The following EYS variants were observed in gnomAD, a reference collection of about 807,000 sequenced individuals.
The protein encoded by EYS is EGF-like photoreceptor maintenance factor.
Under a neutral mutation model 282.1 loss-of-function variants are expected in EYS, and 250 were observed. The observed-to-expected ratio is 0.89, with a 90% CI of 0.80 to 0.98. The LOEUF (loss-of-function observed/expected upper bound fraction) is 0.98. Ranked by LOEUF, EYS falls within the 50% of genes least tolerant of loss-of-function variation. The pLI is 0.00. For synonymous variants in EYS, 1,355 were observed against 1,282.9 expected (o/e 1.06, Z -1.20); for missense variants, 4,016 against 3,709.0 (o/e 1.08, Z -2.15).
In EYS at chr6:64,501,912, G is replaced by C. The variant is rs2150512510; in HGVS notation, c.5645-62560C>G. 2.6e-5 allele frequency among the ~76,000 whole-genome samples: 4 copies of C among 152,188 alleles called. No homozygotes were observed. In the Middle Eastern group the frequency reaches 0.014, roughly 518 times the overall value. On this transcript the variant is annotated intron_variant, in intron 26 of 42. Coordinates refer to ENST00000503581, the MANE Select transcript of EYS (RefSeq NM_001142800.2). ...GAGGACATTAGCACCAGACTGTCAG[G>C]GTGCCAGAGTGGCTCCTGCATGTAC...
In EYS at chr6:65,058,240, TC is replaced by T. The variant is rs528434807; in HGVS notation, c.2024-514del. Among the ~76,000 whole-genome samples, 19 of 152,130 alleles carry T rather than the reference TC, an allele frequency of 1.2e-4. No individual in the cohort carries two copies. In the East Asian group the frequency reaches 3.7e-3, roughly 30 times the overall value. ...ATCTTGGATCACTGCAACCTCTGCC[TC>T]CCGGGTTCAAGAAATTATCCAGTCT... On this transcript the variant is annotated intron_variant, in intron 12 of 42. Transcript: ENST00000503581.
intron 11 of EYS, among the ~76,000 whole-genome samples, chr6:65,297,856 T>C (rs1768709677): frequency 6.6e-6 from 1 of 152,118 alleles, no homozygotes; most frequent in Non-Finnish European, 1.5e-5. Flanking sequence ...AAAAAATTGT[T>C]GGCCTGTGCT....
Position 65,068,245 on chromosome 6 carries a change from C to T in EYS, c.2024-10518G>A, listed in dbSNP as rs549303353. Among the ~76,000 whole-genome samples, 15 of 152,194 alleles carry T rather than the reference C, an allele frequency of 9.9e-5. No individual in the cohort carries two copies. In the East Asian group the frequency reaches 1.7e-3, roughly 18 times the overall value. ...ATTTTCTCAACATTCTACTTTCCAA[C>T]GGAGTCGAATGTTAAGGAAATCCAT... On this transcript the variant is annotated intron_variant, in intron 12 of 42. Coordinates refer to ENST00000503581, the MANE Select transcript of EYS (RefSeq NM_001142800.2).
chr6:65,187,744 G>A (rs1247922116), intron 12 of EYS, among the ~76,000 whole-genome samples: 1 of 151,690 alleles, frequency 6.6e-6, no homozygotes, highest in Non-Finnish European at 1.5e-5. Flanking sequence ...TGTCTATTGA[G>A]AAAGCGTTTC....
rs893169053 is a variant in EYS, at chr6:64,146,149, G to A, written c.6425-64147C>T. Among the ~76,000 whole-genome samples, 6 of 151,952 alleles carry A rather than the reference G, an allele frequency of 3.9e-5. No individual in the cohort carries two copies. The South Asian group carries it at 1.2e-3, about 32-fold the overall frequency. On this transcript the variant is annotated intron_variant, in intron 31 of 42. Transcript: ENST00000503581. The stretch of plus-strand genomic sequence containing the variant: ...GAAATACATTTTAGTTTGGATTCAT[G>A]GGTTATATTTATGAGATTCACAGTC...
At chr6:64,576,916 AT>A (rs1388729911) in intron 26 of EYS, among the ~76,000 whole-genome samples, 3 of 152,128 alleles carry the variant, frequency 2.0e-5, no homozygotes, top group Non-Finnish European at 4.4e-5. Context: ...AAATAGAGTT[AT>A]TAGAGATGTA....
intron 41 of EYS, among the ~76,000 whole-genome samples, chr6:63,761,248 A>T (rs1769634873): frequency 6.6e-6 from 1 of 152,000 alleles, no homozygotes; most frequent in Non-Finnish European, 1.5e-5. Context: ...TCCAGGAAAG[A>T]GTGTGGCATA....
chr6:64,534,791 A>C (rs1582864458), intron 26 of EYS, among the ~76,000 whole-genome samples: 1 of 148,360 alleles, frequency 6.7e-6, no homozygotes. Flanking sequence ...GGAATTTAAC[A>C]CCATCTTTTT....
Position 64,307,084 on chromosome 6 carries a change from TGAGAGAGAGA to T in EYS, c.6079-12_6079-3del, listed in dbSNP as rs35395170. On this transcript the variant is annotated splice_region_variant and splice_polypyrimidine_tract_variant and intron_variant, in intron 29 of 42. Transcript: ENST00000503581. ...AAAATTCTTGACTGGTACAGGCATC[TGAGAGAGAGA>T]GAGAGAGAGAGAAGTAGAGATAATT... The T allele has an allele frequency of 1.7e-5, 15 of 881,154 alleles. No homozygotes were observed. The highest frequency in any genetic ancestry group is 2.7e-5 in the Non-Finnish European group (15 of 558,296). 54.6% of individuals were successfully genotyped at this position (881,154 alleles called of 1,614,324 possible). A position where few individuals can be genotyped will look rare whatever the true frequency, so the allele number is the denominator to read the frequency against.
At chr6:64,144,800 C>T (rs1341159745) in intron 31 of EYS, among the ~76,000 whole-genome samples, 2 of 152,038 alleles carry the variant, frequency 1.3e-5, no homozygotes, top group Non-Finnish European at 2.9e-5. Context: ...GTGAGTAGGT[C>T]GCGCAGAACA....
At chr6:65,599,827 A>T (rs902671318) in intron 2 of EYS, among the ~76,000 whole-genome samples, 4 of 152,006 alleles carry the variant, frequency 2.6e-5, no homozygotes, top group African/African-American at 9.7e-5. Context: ...AACTTATTTT[A>T]TAAGGTTTCA....
chr6:63,745,971 A>G (rs755973116), intron 41 of EYS, among the ~76,000 whole-genome samples: 6 of 152,198 alleles, frequency 3.9e-5, no homozygotes, highest in Non-Finnish European at 8.8e-5. Context: ...TCTACAAGCC[A>G]GGAAGAGAGC....
chr6:65,542,375 C>T (rs1452524643), intron 2 of EYS, among the ~76,000 whole-genome samples: 4 of 151,898 alleles, frequency 2.6e-5, no homozygotes, highest in African/African-American at 9.7e-5. Flanking sequence ...GTATAACCAC[C>T]AGTCTATCGA....
At chr6:64,247,490 G>C (rs922800459) in intron 30 of EYS, among the ~76,000 whole-genome samples, 1 of 152,020 alleles carries the variant, frequency 6.6e-6, no homozygotes. Context: ...CAAGTAAATC[G>C]ATCTAGGATT....
chr6:65,538,277 T>C (rs1377715044), intron 2 of EYS, among the ~76,000 whole-genome samples: 1 of 152,008 alleles, frequency 6.6e-6, no homozygotes, highest in Non-Finnish European at 1.5e-5. Context: ...TAAAGAATAA[T>C]AATAAGGAAA....
chr6:65,471,282 A>G (rs1173083098), intron 5 of EYS, among the ~76,000 whole-genome samples: 2 of 150,976 alleles, frequency 1.3e-5, no homozygotes, highest in African/African-American at 4.9e-5. Flanking sequence ...CTGTGGTCCC[A>G]GCTACTCAAT....
intron 2 of EYS, among the ~76,000 whole-genome samples, chr6:65,617,373 C>T (rs571416407): frequency 4.7e-4 from 71 of 152,048 alleles, no homozygotes; most frequent in African/African-American, 1.7e-3. Context: ...TCACTTGTTA[C>T]GACTTCAAAA....
Position 64,675,428 on chromosome 6 carries a change from C to CTTTTTTTTTTTTT in EYS, c.3444-49196_3444-49184dup, listed in dbSNP as rs56346431. Among the ~76,000 whole-genome samples, 149 of 114,622 alleles carry CTTTTTTTTTTTTT rather than the reference C, an allele frequency of 1.3e-3. 1 individual carries two copies. Among genetic ancestry groups the CTTTTTTTTTTTTT allele is most frequent in the African/African-American group, 1.6e-3 (47 of 29,384 alleles). The allele number at this position is 114,622 out of a possible 152,430, so 75.2% of individuals were successfully genotyped here. On this transcript the variant is annotated intron_variant, in intron 22 of 42. Transcript: ENST00000503581. Reference sequence around the variant, plus strand: ...GTTTTTCCTGTTTCTCTTTTTTTTTCTTTTTTTTTTTTTTTTTGAGATGGA... The same window carrying CTTTTTTTTTTTTT: ...GTTTTTCCTGTTTCTCTTTTTTTTTCTTTTTTTTTTTTTTTTTTTTTTTTTTTTTTGAGATGGA...
At chr6:65,054,241 A>G (rs1338348784) in intron 13 of EYS, among the ~76,000 whole-genome samples, 4 of 151,958 alleles carry the variant, frequency 2.6e-5, no homozygotes, top group African/African-American at 7.2e-5. Context: ...GTAGCACAAT[A>G]ACAACTCATA....
Sources: gnomAD v4.1 joint callset for allele counts (sites outside exome capture counted in the v4.1 genomes callset) on GRCh38, gnomAD v4.1.1 for gene constraint, MANE v1.5 for transcripts, NCBI Gene and HGNC (gene_info 2026-07-23, HGNC 2026-07-21) for gene names.